The following GAPVD1 variants were observed in gnomAD, a reference collection of about 807,000 sequenced individuals.
GAPVD1 encodes the protein GTPase activating protein and VPS9 domains 1.
In GAPVD1, 35 loss-of-function variants were observed where a neutral mutation model predicts 155.5. The ratio of observed to expected loss-of-function variants is 0.23; its 90% CI spans 0.17 to 0.30. The LOEUF (loss-of-function observed/expected upper bound fraction) is 0.30. Among genes scored for constraint, GAPVD1 ranks in the 10% least tolerant of loss-of-function variants. GAPVD1 has a pLI of 1.00. For missense variants in GAPVD1, 1,429 were observed against 1,775.7 expected, an observed-to-expected ratio of 0.80 and a Z score of 3.51; for synonymous variants, 636 against 619.7, an observed-to-expected ratio of 1.03 and a Z score of -0.39.
At chr9:125,286,303 T>C (rs867571691) in intron 2 of GAPVD1, among the ~76,000 whole-genome samples, 16 of 139,378 alleles carry the variant, frequency 1.1e-4, no homozygotes, top group South Asian at 2.1e-4. Flanking sequence ...TGTTGTTTTC[T>C]TTGTTTTTTA....
intron 23 of GAPVD1, among the ~76,000 whole-genome samples, chr9:125,354,097 C>G (rs370543586): frequency 1.3e-5 from 2 of 152,248 alleles, no homozygotes; most frequent in East Asian, 1.9e-4. Flanking sequence ...AATTGCTGTG[C>G]TTTTTCTGCT....
chr9:125,303,776 C>CA (rs11458416), intron 5 of GAPVD1: 76,076 of 122,698 alleles, frequency 0.62, 22,310 homozygotes, highest in African/African-American at 0.78. Flanking sequence ...AACTCCGTCT[C>CA]AAAAAAAAAA....
chr9:125,263,422 C>G, intron 1 of GAPVD1: 1 of 490,856 alleles, frequency 2.0e-6, no homozygotes, highest in Non-Finnish European at 3.7e-6. Flanking sequence ...GCACTCCAGC[C>G]TGGCAACAGA....
At chr9:125,301,457 T>TC (rs1278642534) in intron 4 of GAPVD1, among the ~76,000 whole-genome samples, 1 of 151,960 alleles carries the variant, frequency 6.6e-6, no homozygotes, top group African/African-American at 2.4e-5. Context: ...TTTCTTTCTT[T>TC]TTTTTTTTCC....
At chr9:125,309,725 A>G (rs1002744384) in intron 8 of GAPVD1, among the ~76,000 whole-genome samples, 4 of 152,194 alleles carry the variant, frequency 2.6e-5, no homozygotes, top group African/African-American at 9.6e-5. Context: ...TCCATTGTTG[A>G]CTGCTATACA....
intron 3 of GAPVD1, among the ~76,000 whole-genome samples, chr9:125,298,338 C>A (rs939186476): frequency 1.3e-5 from 2 of 152,084 alleles, no homozygotes; most frequent in Non-Finnish European, 2.9e-5. Flanking sequence ...TGTCTCTAAG[C>A]GGTGGCCTTA....
chr9:125,355,954 A>T, intron 25 of GAPVD1, 97 bp downstream of exon 25: 1 of 702,590 alleles, frequency 1.4e-6, no homozygotes. Flanking sequence ...TTAGTGTCTG[A>T]TTGTAAAAGG....
At chr9:125,275,206 C>G (rs1485866793) in intron 2 of GAPVD1, among the ~76,000 whole-genome samples, 1 of 151,970 alleles carries the variant, frequency 6.6e-6, no homozygotes, top group East Asian at 1.9e-4. Flanking sequence ...CTCCCAAGTA[C>G]CTTGGATTAC....
chr9:125,358,627 G>C (rs1850463429), intron 25 of GAPVD1, among the ~76,000 whole-genome samples: 1 of 152,232 alleles, frequency 6.6e-6, no homozygotes, highest in Non-Finnish European at 1.5e-5. Flanking sequence ...TTCCTGTGAA[G>C]TGGGTTAGGA....
At chr9:125,354,986 C>CT (rs1849848858) in intron 24 of GAPVD1, 145 bp downstream of exon 24, 1 of 536,286 alleles carries the variant, frequency 1.9e-6, no homozygotes, top group African/African-American at 1.9e-5. Context: ...ATAAATTAAA[C>CT]TTTGATGTCA....
intron 2 of GAPVD1, among the ~76,000 whole-genome samples, chr9:125,294,669 T>TTTC (rs397814075): frequency 6.6e-6 from 1 of 150,450 alleles, no homozygotes; most frequent in African/African-American, 2.5e-5. Flanking sequence ...TTTTTTTTTT[T>TTTC]CAAACTTTCC....
chr9:125,265,593 T>TA, intron 1 of GAPVD1, among the ~76,000 whole-genome samples: 1 of 106,734 alleles, frequency 9.4e-6, no homozygotes, highest in Non-Finnish European at 2.0e-5. Flanking sequence ...TGTATTTTTT[T>TA]GTAGAGACGG....
intron 9 of GAPVD1, among the ~76,000 whole-genome samples, chr9:125,316,189 ATTTG>A (rs1843396210): frequency 6.6e-6 from 1 of 152,188 alleles, no homozygotes; most frequent in Admixed American, 6.5e-5. Flanking sequence ...TGTAACATTT[ATTTG>A]TTTATTTTTT....
At chr9:125,269,669 C>A (rs993014359) in intron 2 of GAPVD1, among the ~76,000 whole-genome samples, 1 of 149,544 alleles carries the variant, frequency 6.7e-6, no homozygotes, top group Non-Finnish European at 1.5e-5. Context: ...TGGTGATCCA[C>A]CCGCTGTGCT....
In GAPVD1 at chr9:125,349,499, G is replaced by A; in HGVS notation, c.3279G>A (p.Gln1093=). The A allele has an allele frequency of 6.2e-7, 1 of 1,614,066 alleles. No homozygotes were observed. Among genetic ancestry groups the A allele is most frequent in the East Asian group, 2.2e-5 (1 of 44,888 alleles). Residue 1093 remains glutamine, a synonymous_variant, in exon 21 of 28, where the codon CAG becomes CAA. Transcript: ENST00000297933. ...CTGCAAGCCAAGCAGCCCACCCGCA[G>A]GATTCAGCTTTCTCTTACAGGTATT... ...PDSASQAAHP[Q]DSAFSYRDAK...
chr9:125,304,415 G>T (rs1258093280), intron 5 of GAPVD1, among the ~76,000 whole-genome samples: 1 of 151,816 alleles, frequency 6.6e-6, no homozygotes, highest in African/African-American at 2.4e-5. Flanking sequence ...AGTTTTTTTT[G>T]TTTGTTTTTT....
intron 8 of GAPVD1, chr9:125,309,932 A>G (rs1405209736): frequency 2.1e-6 from 1 of 466,790 alleles, no homozygotes; most frequent in South Asian, 1.6e-5. Context: ...AACCCAGGAC[A>G]ACAGTTAGCA....
At position 125,337,523 on chromosome 9, in the gene GAPVD1, G is replaced by T; in HGVS notation, c.2809G>T (p.Ala937Ser). 1 of 1,614,122 alleles carries T rather than the reference G, an allele frequency of 6.2e-7. No individual in the cohort carries two copies. Among genetic ancestry groups the T allele is most frequent in the Non-Finnish European group, 8.5e-7 (1 of 1,179,974 alleles). The change falls in exon 17 of 28, where the codon GCT becomes TCT. Residue 937 changes from alanine (A) to serine (S), a missense_variant. Physicochemically the swap from Ala to Ser is moderately conservative, Grantham distance 99. Transcript: ENST00000297933. ...ACTCCCTCCAGCTGCAGCCATTGGTGCTACTTCTTTGGTGGCTGCACCTCA... is the reference window on the plus strand; with the variant it reads ...ACTCCCTCCAGCTGCAGCCATTGGTTCTACTTCTTTGGTGGCTGCACCTCA... ...RELPPAAAIG[A>S]TSLVAAPHSS... is the part of the protein sequence containing the mutation.
chr9:125,323,954 T>C (rs926932920), intron 11 of GAPVD1, 31 bp downstream of exon 11: 2 of 1,601,564 alleles, frequency 1.2e-6, no homozygotes, highest in South Asian at 1.1e-5. Context: ...GTTGCCTAAG[T>C]AGCAAAGAAT....
Sources: allele counts gnomAD v4.1 joint callset (sites outside exome capture counted in the v4.1 genomes callset), GRCh38; gene constraint gnomAD v4.1.1; transcripts MANE v1.5; gene names NCBI Gene and HGNC (gene_info 2026-07-23, HGNC 2026-07-21).